CNTNAP2: variants seen among roughly 807,000 people sequenced by gnomAD.
CNTNAP2 encodes contactin associated protein 2, also known as contactin-associated protein-like 2.
A neutral mutation model predicts 155.2 loss-of-function variants in CNTNAP2; 98 were observed. That is an observed-to-expected ratio of 0.63 (90% confidence interval 0.54 to 0.75). The LOEUF is 0.75. CNTNAP2 is among the 30% of genes least tolerant of loss of function. The pLI is 0.00. For synonymous variants in CNTNAP2, 651 were observed against 631.2 expected, an observed-to-expected ratio of 1.03 and a Z score of -0.47; for missense variants, 1,727 against 1,688.1, an observed-to-expected ratio of 1.02 and a Z score of -0.40.
At chr7:148,182,340 C>G (rs1395403943) in intron 18 of CNTNAP2, among the ~76,000 whole-genome samples, 3 of 121,914 alleles carry the variant, frequency 2.5e-5, no homozygotes, top group Non-Finnish European at 5.7e-5. Context: ...TTTTAGATTG[C>G]TCACATGTTT....
intron 12 of CNTNAP2, among the ~76,000 whole-genome samples, chr7:147,603,331 T>C (rs1244447014): frequency 6.6e-6 from 1 of 152,120 alleles, no homozygotes; most frequent in Non-Finnish European, 1.5e-5. Flanking sequence ...GTTGATGGGG[T>C]TGTTTGTTTT....
chr7:147,315,937 A>G (rs1795223312), intron 9 of CNTNAP2, among the ~76,000 whole-genome samples: 1 of 152,196 alleles, frequency 6.6e-6, no homozygotes, highest in Non-Finnish European at 1.5e-5. Context: ...TTTTACATAT[A>G]TGTATATACA....
intron 21 of CNTNAP2, among the ~76,000 whole-genome samples, chr7:148,365,430 C>T (rs999774898): frequency 6.6e-6 from 1 of 152,012 alleles, no homozygotes; most frequent in African/African-American, 2.4e-5. Flanking sequence ...TTTGGGAGAC[C>T]AAGGTGGGCA....
intron 12 of CNTNAP2, among the ~76,000 whole-genome samples, chr7:147,567,734 A>C (rs1050952075): frequency 7.9e-5 from 12 of 152,304 alleles, no homozygotes; most frequent in Admixed American, 5.9e-4. Context: ...CAACCAGGTA[A>C]AGTTGTCCTA....
chr7:146,134,574 A>T (rs1258013179), intron 1 of CNTNAP2, among the ~76,000 whole-genome samples: 1 of 150,412 alleles, frequency 6.6e-6, no homozygotes, highest in African/African-American at 2.4e-5. Context: ...TATTATTTTG[A>T]AATATGTCCC....
intron 1 of CNTNAP2, among the ~76,000 whole-genome samples, chr7:146,433,692 G>T (rs1025842830): frequency 5.3e-5 from 8 of 152,220 alleles, no homozygotes; most frequent in Admixed American, 3.3e-4. Flanking sequence ...TATACAGATG[G>T]TCCCTCATCA....
chr7:148,090,561 A>C (rs1803818131), intron 15 of CNTNAP2, among the ~76,000 whole-genome samples: 1 of 152,024 alleles, frequency 6.6e-6, no homozygotes, highest in Non-Finnish European at 1.5e-5. Flanking sequence ...ACCACCTCAA[A>C]CCTCTTAGAA....
intron 1 of CNTNAP2, among the ~76,000 whole-genome samples, chr7:146,458,713 T>C (rs531684318): frequency 1.2e-4 from 18 of 152,294 alleles, no homozygotes; most frequent in Non-Finnish European, 2.1e-4. Context: ...AGGAGACTGA[T>C]ACTTAAATTG....
chr7:147,109,742 G>A (rs2129279888), intron 5 of CNTNAP2, among the ~76,000 whole-genome samples: 1 of 152,164 alleles, frequency 6.6e-6, no homozygotes, highest in South Asian at 2.1e-4. Flanking sequence ...GTAAAAAAGA[G>A]AATGAAAGGC....
intron 1 of CNTNAP2, among the ~76,000 whole-genome samples, chr7:146,466,083 A>T (rs1796713426): frequency 6.6e-6 from 1 of 152,164 alleles, no homozygotes; most frequent in Non-Finnish European, 1.5e-5. Context: ...TTGGGTTCTA[A>T]AGACTGAGGG....
chr7:146,498,632 A>G (rs1797254290), intron 1 of CNTNAP2, among the ~76,000 whole-genome samples: 1 of 151,976 alleles, frequency 6.6e-6, no homozygotes, highest in Non-Finnish European at 1.5e-5. Flanking sequence ...ATTTGTTTAT[A>G]TACACTGTGA....
chr7:146,814,529 G>A (rs999864338), intron 2 of CNTNAP2, among the ~76,000 whole-genome samples: 1 of 152,124 alleles, frequency 6.6e-6, no homozygotes, highest in African/African-American at 2.4e-5. Context: ...GCAAACTATA[G>A]ACCAAATGTT....
chr7:147,656,904 A>G (rs565026231), intron 13 of CNTNAP2, among the ~76,000 whole-genome samples: 38 of 152,196 alleles, frequency 2.5e-4, no homozygotes, highest in Non-Finnish European at 4.7e-4. Flanking sequence ...AAGTCACCCA[A>G]TGGAGGATGT....
chr7:147,995,374 C>T lies in CNTNAP2; in HGVS notation c.2383+17385C>T, dbSNP rs574135735. Among the ~76,000 whole-genome samples, 5 of 152,264 alleles carry T rather than the reference C, an allele frequency of 3.3e-5. No individual in the cohort carries two copies. In the South Asian group the frequency reaches 1.0e-3, roughly 32 times the overall value. On this transcript the variant is annotated intron_variant, in intron 15 of 23. Transcript: ENST00000361727. ...CTCTCTCCTTCCCCTGCTCCCCAAA[C>T]CCTTCTCCACACTCTTTTCCCTCTC...
At chr7:148,212,714 T>G (rs1373821472) in intron 18 of CNTNAP2, among the ~76,000 whole-genome samples, 1 of 152,188 alleles carries the variant, frequency 6.6e-6, no homozygotes, top group Non-Finnish European at 1.5e-5. Context: ...AATTGCTTTC[T>G]TTTAGAATAT....
intron 21 of CNTNAP2, among the ~76,000 whole-genome samples, chr7:148,274,701 G>A (rs79662913): frequency 0.1 from 15,165 of 152,160 alleles, 931 homozygotes; most frequent in African/African-American, 0.17. Flanking sequence ...TGCCAGTGCT[G>A]TGCCTCCTAT....
chr7:146,678,327 G>A (rs1047894454), intron 1 of CNTNAP2, among the ~76,000 whole-genome samples: 2 of 151,992 alleles, frequency 1.3e-5, no homozygotes, highest in African/African-American at 4.8e-5. Flanking sequence ...ACCAACCTCA[G>A]CCTCCAAAAG....
intron 1 of CNTNAP2, among the ~76,000 whole-genome samples, chr7:146,278,677 G>C (rs991811128): frequency 6.6e-6 from 1 of 152,066 alleles, no homozygotes; most frequent in Non-Finnish European, 1.5e-5. Context: ...GTATCATTTT[G>C]CCTGACAGTA....
At chr7:146,426,408 TAC>T (rs1315894440) in intron 1 of CNTNAP2, among the ~76,000 whole-genome samples, 18 of 136,654 alleles carry the variant, frequency 1.3e-4, no homozygotes, top group South Asian at 4.4e-4. Flanking sequence ...TATATATATA[TAC>T]ACACACACAC....
Sources: allele counts gnomAD v4.1 joint callset (sites outside exome capture counted in the v4.1 genomes callset), GRCh38; gene constraint gnomAD v4.1.1; transcripts MANE v1.5; gene names NCBI Gene and HGNC (gene_info 2026-07-23, HGNC 2026-07-21).